Variants in WWOX observed in about 807,000 individuals in gnomAD.
The protein encoded by WWOX is WW domain containing oxidoreductase, also known as WW domain-containing oxidoreductase.
WWOX carries 69 observed loss-of-function variants against 46.2 expected under a neutral mutation model. That is an observed-to-expected ratio of 1.49 (90% CI 1.23 to 1.82). The LOEUF is 1.82. Ranked by LOEUF, WWOX falls within the 40% of genes most tolerant of loss-of-function variation. WWOX has a pLI of 0.00. For synonymous variants in WWOX, 359 were observed against 202.6 expected (o/e 1.77, Z -6.56); for missense variants, 919 against 542.6 (o/e 1.69, Z -6.89).
intron 8 of WWOX, among the ~76,000 whole-genome samples, chr16:79,047,034 G>C (rs1392468118): frequency 6.6e-6 from 1 of 152,122 alleles, no homozygotes; most frequent in Non-Finnish European, 1.5e-5. Context: ...AATTTGCAAA[G>C]CCATTTAATT....
intron 8 of WWOX, among the ~76,000 whole-genome samples, chr16:78,848,596 G>T (rs960889308): frequency 6.6e-6 from 1 of 152,124 alleles, no homozygotes; most frequent in South Asian, 2.1e-4. Flanking sequence ...AGGAAACAGG[G>T]TGCAGAGTGG....
intron 8 of WWOX, among the ~76,000 whole-genome samples, chr16:78,942,096 G>A (rs115524518): frequency 0.011 from 1,598 of 152,172 alleles, 29 homozygotes; most frequent in African/African-American, 0.037. Flanking sequence ...TTCAAATTAC[G>A]TATGACTGTG....
intron 8 of WWOX, among the ~76,000 whole-genome samples, chr16:78,682,928 A>T (rs947525360): frequency 6.6e-6 from 1 of 152,130 alleles, no homozygotes; most frequent in Non-Finnish European, 1.5e-5. Context: ...AAACATCATA[A>T]GCTCCAAGTG....
At chr16:79,060,508 A>T (rs1438373015) in intron 8 of WWOX, among the ~76,000 whole-genome samples, 1 of 152,250 alleles carries the variant, frequency 6.6e-6, no homozygotes, top group East Asian at 1.9e-4. Context: ...GCTTAGTAGC[A>T]TCTTATTATA....
chr16:78,375,823 C>T (rs1458990653), intron 5 of WWOX, among the ~76,000 whole-genome samples: 2 of 151,060 alleles, frequency 1.3e-5, no homozygotes, highest in African/African-American at 4.9e-5. Context: ...AATAATATTA[C>T]CGGAGAAACA....
chr16:79,192,260 T>C (rs1484788446), intron 8 of WWOX, among the ~76,000 whole-genome samples: 2 of 152,134 alleles, frequency 1.3e-5, no homozygotes, highest in Non-Finnish European at 2.9e-5. Flanking sequence ...TGGCGTGAAA[T>C]GGGGCAGAAA....
intron 6 of WWOX, among the ~76,000 whole-genome samples, chr16:78,409,274 T>A (rs1160818558): frequency 6.6e-6 from 1 of 152,170 alleles, no homozygotes; most frequent in Admixed American, 6.5e-5. Context: ...CACTATGAAT[T>A]ATGACAAACA....
At chr16:78,779,938 C>T (rs1266893381) in intron 8 of WWOX, among the ~76,000 whole-genome samples, 1 of 152,314 alleles carries the variant, frequency 6.6e-6, no homozygotes, top group Admixed American at 6.5e-5. Context: ...AGCCACAAAT[C>T]AATAATGAAA....
intron 5 of WWOX, among the ~76,000 whole-genome samples, chr16:78,250,313 T>C (rs2037950371): frequency 6.6e-6 from 1 of 152,240 alleles, no homozygotes. Flanking sequence ...GGTTTGATTC[T>C]TAACTCTGCT....
In WWOX at chr16:78,718,592, A is replaced by C. The variant is rs554208574; in HGVS notation, c.1056+285840A>C. Among the ~76,000 whole-genome samples, 3 of 152,152 alleles carry C rather than the reference A, an allele frequency of 2.0e-5. No homozygotes were observed. The South Asian group carries it at 6.2e-4, about 32-fold the overall frequency. ...ATGGGTGGTCCATGCCTCTAATCCT[A>C]GGTACTCTGGAGGGTGACGGTGGGA... On this transcript the variant is annotated intron_variant, in intron 8 of 8. Coordinates refer to ENST00000566780, the MANE Select transcript of WWOX (RefSeq NM_016373.4).
rs71137883 is a variant in WWOX at position 78,269,914 on chromosome 16, G to GTTTTTT, written c.516+105638_516+105643dup. On this transcript the variant is annotated intron_variant, in intron 5 of 8. Coordinates refer to ENST00000566780, the MANE Select transcript of WWOX (RefSeq NM_016373.4). ...AGGAAACATATCTATACATAAGGAA[G>GTTTTTT]TTTTTTTTTTTTTTTTTTACTTTCA... Among the ~76,000 whole-genome samples, 221 of 125,664 alleles carry GTTTTTT rather than the reference G, an allele frequency of 1.8e-3. 1 individual carries two copies. Among genetic ancestry groups the GTTTTTT allele is most frequent in the African/African-American group, 5.7e-3 (182 of 31,766 alleles). 82.4% of individuals were successfully genotyped at this position (125,664 alleles called of 152,430 possible). A position where few individuals can be genotyped will look rare whatever the true frequency, so the allele number is the denominator to read the frequency against.
chr16:79,142,702 G>C (rs373033607), intron 8 of WWOX, among the ~76,000 whole-genome samples: 1 of 151,982 alleles, frequency 6.6e-6, no homozygotes, highest in Non-Finnish European at 1.5e-5. Flanking sequence ...TTTTGTTTTT[G>C]TTTTGTTTCT....
At chr16:78,347,914 T>G (rs2081120113) in intron 5 of WWOX, among the ~76,000 whole-genome samples, 3 of 122,500 alleles carry the variant, frequency 2.4e-5, no homozygotes, top group Admixed American at 2.4e-4. Flanking sequence ...TAAAACAATA[T>G]GGACTATGGT....
intron 8 of WWOX, among the ~76,000 whole-genome samples, chr16:79,058,388 T>TAA (rs143501744): frequency 1.3e-5 from 2 of 151,648 alleles, no homozygotes; most frequent in African/African-American, 2.4e-5. Flanking sequence ...TGGATAAATA[T>TAA]ACTTTTGAAT....
chr16:78,935,664 G>T (rs1004192354), intron 8 of WWOX, among the ~76,000 whole-genome samples: 1 of 151,830 alleles, frequency 6.6e-6, no homozygotes, highest in Non-Finnish European at 1.5e-5. Flanking sequence ...TAAATGACGA[G>T]TTAATGGGTG....
At chr16:78,806,722 C>T (rs1371204946) in intron 8 of WWOX, among the ~76,000 whole-genome samples, 5 of 152,092 alleles carry the variant, frequency 3.3e-5, no homozygotes, top group Non-Finnish European at 7.4e-5. Flanking sequence ...CCTAGGTTTT[C>T]CTGCATTCTA....
At chr16:78,164,384 C>A in intron 5 of WWOX, 95 bp downstream of exon 5, 1 of 1,077,540 alleles carries the variant, frequency 9.3e-7, no homozygotes, top group Non-Finnish European at 1.4e-6. Flanking sequence ...AAGTTTATTG[C>A]TCTTGGAATC....
intron 4 of WWOX, among the ~76,000 whole-genome samples, chr16:78,150,188 G>A (rs1234951301): frequency 6.6e-6 from 1 of 152,048 alleles, no homozygotes; most frequent in Non-Finnish European, 1.5e-5. Flanking sequence ...TAAAACTCAG[G>A]GAAATATTTA....
At chr16:78,492,035 G>GC (rs1443813188) in intron 8 of WWOX, among the ~76,000 whole-genome samples, 1 of 53,274 alleles carries the variant, frequency 1.9e-5, no homozygotes, top group Non-Finnish European at 5.8e-5. Flanking sequence ...AAAGGGAGTG[G>GC]GGGTGTGGGG....
Sources: gnomAD v4.1 joint callset for allele counts (sites outside exome capture counted in the v4.1 genomes callset) on GRCh38, gnomAD v4.1.1 for gene constraint, MANE v1.5 for transcripts, NCBI Gene and HGNC (gene_info 2026-07-23, HGNC 2026-07-21) for gene names.